The following OPCML variants were observed in gnomAD, a reference collection of about 807,000 sequenced individuals.
OPCML encodes the protein opioid-binding protein/cell adhesion molecule.
Under a neutral mutation model 37.8 loss-of-function variants are expected in OPCML, and 13 were observed. That is an observed-to-expected ratio of 0.34 (90% CI 0.22 to 0.55). OPCML has a LOEUF of 0.55. OPCML is among the 20% of genes least tolerant of loss of function. The probability of loss-of-function intolerance (pLI) is 0.91; values close to 1 mark genes in which losing one functional copy is unlikely to be tolerated. For synonymous variants in OPCML, 176 were observed against 168.8 expected (o/e 1.04, Z -0.33); for missense variants, 341 against 435.6 (o/e 0.78, Z 1.93).
rs75232906 is a variant in OPCML at position 132,453,624 on chromosome 11, G to C, written c.506-16265C>G. On this transcript the variant is annotated intron_variant, in intron 4 of 7. Coordinates refer to ENST00000524381, the MANE Select transcript of OPCML (RefSeq NM_001012393.5). ...TCATAACTAAATATAAGCTTAGCAA[G>C]AAATAACCCAAAAAATGCATGGTGA... is the stretch of plus-strand genomic sequence containing the variant. Among the ~76,000 whole-genome samples, 2,363 of 152,310 alleles carry C rather than the reference G, an allele frequency of 0.016. 156 individuals carry two copies. In the East Asian group the frequency reaches 0.16, roughly 11 times the overall value.
chr11:133,458,693 A>ATATATACACATAGATGCACGTGTGTGTG lies in OPCML; in HGVS notation c.61+73570_61+73571insCACACACACGTGCATCTATGTGTATATA, dbSNP rs1565645763. Among the ~76,000 whole-genome samples the ATATATACACATAGATGCACGTGTGTGTG allele has an allele frequency of 1.1e-4, 14 of 131,152 alleles. No homozygotes were observed. In the East Asian group the frequency reaches 1.1e-3, roughly 11 times the overall value. The allele number at this position is 131,152 out of a possible 152,430, so 86.0% of individuals were successfully genotyped here. A position where few individuals can be genotyped will look rare whatever the true frequency, so the allele number is the denominator to read the frequency against. On this transcript the variant is annotated intron_variant, in intron 1 of 7. Coordinates refer to ENST00000524381, the MANE Select transcript of OPCML (RefSeq NM_001012393.5). ...TACACATAGATGCACGTGTGTGTGT[A>ATATATACACATAGATGCACGTGTGTGTG]TATATACACATAGATGCACGTGTGT...
chr11:133,274,424 C>G (rs1016735310), intron 1 of OPCML, among the ~76,000 whole-genome samples: 15 of 152,148 alleles, frequency 9.9e-5, no homozygotes, highest in Non-Finnish European at 2.2e-4. Flanking sequence ...GAGGCAGGGA[C>G]TGAAGTGCTG....
intron 2 of OPCML, among the ~76,000 whole-genome samples, chr11:132,888,563 TG>T (rs1373333401): frequency 6.6e-6 from 1 of 152,228 alleles, no homozygotes; most frequent in East Asian, 1.9e-4. Context: ...TCTCTGGAGA[TG>T]TAACAAAAGG....
At chr11:133,353,414 C>T (rs1565588073) in intron 1 of OPCML, among the ~76,000 whole-genome samples, 1 of 152,104 alleles carries the variant, frequency 6.6e-6, no homozygotes, top group African/African-American at 2.4e-5. Context: ...CCCTCCTTGG[C>T]CTCCTAATGT....
chr11:133,467,044 T>C (rs1279232431), intron 1 of OPCML, among the ~76,000 whole-genome samples: 1 of 152,260 alleles, frequency 6.6e-6, no homozygotes, highest in African/African-American at 2.4e-5. Flanking sequence ...TGTTGCTTTT[T>C]GCATCTGTTA....
Position 133,294,404 on chromosome 11 carries a change from T to A in OPCML, c.61+237860A>T, listed in dbSNP as rs114065048. Among the ~76,000 whole-genome samples, 219 of 152,270 alleles carry A rather than the reference T, an allele frequency of 1.4e-3. 1 individual carries two copies. Among genetic ancestry groups the A allele is most frequent in the African/African-American group, 5.1e-3 (214 of 41,556 alleles). The stretch of plus-strand genomic sequence containing the variant: ...CTCCTCCTCTTCAGCTTGAGCCACC[T>A]CTTTTCCTTTCCAGTCCTTACTTCA... On this transcript the variant is annotated intron_variant, in intron 1 of 7. Coordinates refer to ENST00000524381, the MANE Select transcript of OPCML (RefSeq NM_001012393.5).
intron 1 of OPCML, chr11:133,006,167 G>C (rs113962097): frequency 2.1e-6 from 2 of 969,416 alleles, no homozygotes; most frequent in African/African-American, 3.5e-5. Context: ...TACTGAGGTC[G>C]AGCCTTGGGA....
chr11:132,997,231 G>T (rs1198971665), intron 1 of OPCML, among the ~76,000 whole-genome samples: 1 of 152,150 alleles, frequency 6.6e-6, no homozygotes, highest in Non-Finnish European at 1.5e-5. Flanking sequence ...CACATATCTT[G>T]CTCCCAAGGC....
At chr11:133,101,762 C>T (rs1949088028) in intron 1 of OPCML, among the ~76,000 whole-genome samples, 4 of 152,118 alleles carry the variant, frequency 2.6e-5, no homozygotes, top group Admixed American at 2.6e-4. Flanking sequence ...AAAACGCCTG[C>T]ACATGGTTGT....
At chr11:132,687,319 T>G (rs929114937) in intron 2 of OPCML, among the ~76,000 whole-genome samples, 20 of 140,484 alleles carry the variant, frequency 1.4e-4, no homozygotes, top group Non-Finnish European at 2.3e-4. Context: ...AGACTTGGAC[T>G]TCTATTTCTC....
chr11:133,224,339 C>T (rs1486541769), intron 1 of OPCML, among the ~76,000 whole-genome samples: 1 of 152,192 alleles, frequency 6.6e-6, no homozygotes, highest in African/African-American at 2.4e-5. Context: ...TGCAGATGGG[C>T]CTGGTTGGAG....
chr11:132,914,621 C>T (rs1349740765), intron 2 of OPCML, among the ~76,000 whole-genome samples: 1 of 152,218 alleles, frequency 6.6e-6, no homozygotes, highest in African/African-American at 2.4e-5. Context: ...GGGCTCTTTA[C>T]CTGACCTCAG....
At chr11:132,831,857 T>G (rs1002085466) in intron 2 of OPCML, among the ~76,000 whole-genome samples, 7 of 152,138 alleles carry the variant, frequency 4.6e-5, no homozygotes, top group Non-Finnish European at 1.5e-5. Flanking sequence ...TTTTGTCCTG[T>G]CTTACAAAAT....
At chr11:133,184,989 T>C (rs909950611) in intron 1 of OPCML, among the ~76,000 whole-genome samples, 1 of 152,200 alleles carries the variant, frequency 6.6e-6, no homozygotes, top group South Asian at 2.1e-4. Context: ...GCTTGATTTT[T>C]TCCTTCAATT....
At chr11:132,486,694 T>C (rs575356116) in intron 4 of OPCML, among the ~76,000 whole-genome samples, 1 of 152,214 alleles carries the variant, frequency 6.6e-6, no homozygotes. Flanking sequence ...CTTTCTTTCC[T>C]TTTTTTCTCT....
At chr11:132,986,615 TAAATAATTTGG>T (rs1565382913) in intron 1 of OPCML, among the ~76,000 whole-genome samples, 4 of 152,126 alleles carry the variant, frequency 2.6e-5, no homozygotes, top group Non-Finnish European at 5.9e-5. Context: ...CTCGAACAAA[TAAATAATTTGG>T]AAATAATTGG....
chr11:132,515,130 T>C (rs1191175055), intron 4 of OPCML, among the ~76,000 whole-genome samples: 1 of 152,204 alleles, frequency 6.6e-6, no homozygotes, highest in Admixed American at 6.5e-5. Context: ...CTAGTGGCTC[T>C]GTTTATATCA....
At chr11:133,425,400 C>T (rs552134504) in intron 1 of OPCML, among the ~76,000 whole-genome samples, 4 of 152,308 alleles carry the variant, frequency 2.6e-5, no homozygotes, top group South Asian at 2.1e-4. Context: ...ACTGCCCTTC[C>T]GCAATTGTGA....
Position 133,206,983 on chromosome 11 carries a change from G to A in OPCML, c.62-263973C>T, listed in dbSNP as rs1044498328. On this transcript the variant is annotated intron_variant, in intron 1 of 7. Transcript: ENST00000524381. This position sits in a 1 kb window ranked among gnomAD's most constrained non-coding sequence, Gnocchi z 4.7. Reference sequence around the variant, plus strand: ...CACTCACGTGATCTCTCAGAGGAACGCCATAGAAAATCTCCTTCTAAGAGC... The same window carrying A: ...CACTCACGTGATCTCTCAGAGGAACACCATAGAAAATCTCCTTCTAAGAGC... 6.6e-6 allele frequency among the ~76,000 whole-genome samples: 1 copy of A among 151,990 alleles called. No individual in the cohort carries two copies. The highest frequency in any genetic ancestry group is 1.5e-5 in the Non-Finnish European group (1 of 67,986).
Sources: allele counts gnomAD v4.1 joint callset (sites outside exome capture counted in the v4.1 genomes callset), GRCh38; gene constraint gnomAD v4.1.1; non-coding constraint Gnocchi (gnomAD v3.1); transcripts MANE v1.5; gene names NCBI Gene and HGNC (gene_info 2026-07-23, HGNC 2026-07-21).